CADPS: variants seen among roughly 807,000 people sequenced by gnomAD.
The protein encoded by CADPS is calcium-dependent secretion activator 1.
In CADPS, 57 loss-of-function variants were observed where a neutral mutation model predicts 167.3. The observed-to-expected ratio is 0.34, with a 90% CI of 0.28 to 0.42. The LOEUF (loss-of-function observed/expected upper bound fraction) is 0.42. Ranked by LOEUF, CADPS falls within the 20% of genes least tolerant of loss-of-function variation. The probability of loss-of-function intolerance (pLI) is 1.00; values close to 1 mark genes in which losing one functional copy is unlikely to be tolerated. For missense variants in CADPS, 1,414 were observed against 1,738.1 expected (o/e 0.81, Z 3.32); for synonymous variants, 676 against 635.3 (o/e 1.06, Z -0.96).
At chr3:62,475,318 AAAGAAAAG>A (rs1274946212) in intron 23 of CADPS, among the ~76,000 whole-genome samples, 1 of 152,200 alleles carries the variant, frequency 6.6e-6, no homozygotes, top group African/African-American at 2.4e-5. Context: ...AAATGTCTTT[AAAGAAAAG>A]CACCTGGTTA....
At chr3:62,506,858 C>T (rs893039767) in intron 17 of CADPS, among the ~76,000 whole-genome samples, 1 of 152,172 alleles carries the variant, frequency 6.6e-6, no homozygotes, top group African/African-American at 2.4e-5. Context: ...CTTCTAGAGT[C>T]ATTAGCTAGG....
chr3:62,493,616 C>T (rs1272775665), intron 19 of CADPS, 29 bp downstream of exon 19: 1 of 1,539,868 alleles, frequency 6.5e-7, no homozygotes, highest in African/African-American at 1.4e-5. Flanking sequence ...GTCCACCTCT[C>T]TTCTTTCACG....
intron 3 of CADPS, among the ~76,000 whole-genome samples, chr3:62,717,180 A>G (rs920457471): frequency 1.3e-5 from 2 of 152,240 alleles, no homozygotes; most frequent in Non-Finnish European, 2.9e-5. Flanking sequence ...ACCAACAAAG[A>G]GTTGGATTAC....
intron 3 of CADPS, among the ~76,000 whole-genome samples, chr3:62,673,882 T>C (rs1449671099): frequency 1.3e-5 from 2 of 152,132 alleles, no homozygotes; most frequent in African/African-American, 2.4e-5. Context: ...CATCAAGTCA[T>C]GGTAAAAAGC....
intron 3 of CADPS, among the ~76,000 whole-genome samples, chr3:62,719,185 C>T (rs2075269308): frequency 2.6e-5 from 4 of 152,190 alleles, no homozygotes; most frequent in Admixed American, 2.6e-4. Flanking sequence ...CCCTGCCTGC[C>T]TTTCTGGCAC....
At chr3:62,658,509 T>C (rs893967917) in intron 4 of CADPS, among the ~76,000 whole-genome samples, 14 of 152,154 alleles carry the variant, frequency 9.2e-5, no homozygotes, top group South Asian at 6.2e-4. Context: ...TTCTCTAATG[T>C]CTCTGCTTTA....
rs374490900 is a variant in CADPS at position 62,756,032 on chromosome 3, G to A, written c.556-2259C>T. 1.1e-4 allele frequency among the ~76,000 whole-genome samples: 17 copies of A among 151,422 alleles called. No individual in the cohort carries two copies. In the East Asian group the frequency reaches 3.1e-3, roughly 28 times the overall value. On this transcript the variant is annotated intron_variant, in intron 2 of 29. Transcript: ENST00000383710. ...CTTGAGTAAATCATCTCCCCTCTCT[G>A]ATTCTCTAATTTCTTTTTCTTTTTC...
intron 17 of CADPS, among the ~76,000 whole-genome samples, chr3:62,504,794 GA>G: frequency 6.6e-6 from 1 of 152,156 alleles, no homozygotes; most frequent in South Asian, 2.1e-4. Context: ...TGTGACTGCA[GA>G]AAAACAAAAA....
At chr3:62,507,235 T>C (rs866562962) in intron 17 of CADPS, among the ~76,000 whole-genome samples, 5 of 152,134 alleles carry the variant, frequency 3.3e-5, no homozygotes, top group African/African-American at 1.2e-4. Flanking sequence ...TCAGTTCTTC[T>C]TAGGGGTCCA....
intron 5 of CADPS, among the ~76,000 whole-genome samples, chr3:62,649,093 A>C (rs1171643324): frequency 1.3e-5 from 2 of 152,230 alleles, no homozygotes; most frequent in Non-Finnish European, 2.9e-5. Flanking sequence ...TTTAGTTTTT[A>C]CATATTCTAA....
rs115636601 is a variant in CADPS at position 62,679,080 on chromosome 3, G to T, written c.889-16686C>A. 4.9e-3 allele frequency among the ~76,000 whole-genome samples: 750 copies of T among 152,098 alleles called. 14 individuals are homozygous for T. The highest frequency in any genetic ancestry group is 0.017 in the African/African-American group (706 of 41,470). On this transcript the variant is annotated intron_variant, in intron 3 of 29. Coordinates refer to ENST00000383710, the MANE Select transcript of CADPS (RefSeq NM_003716.4). ...TTCCACCAAGAAAATAACCTTTAGA[G>T]ATTGGAATTCCTGAAAAAAAGTGAG...
At chr3:62,590,045 C>T (rs971107432) in intron 7 of CADPS, among the ~76,000 whole-genome samples, 11 of 151,984 alleles carry the variant, frequency 7.2e-5, no homozygotes, top group Admixed American at 1.3e-4. Flanking sequence ...AAAAATTAGC[C>T]AGATGTGGTG....
intron 1 of CADPS, among the ~76,000 whole-genome samples, chr3:62,773,022 G>A (rs562410221): frequency 1.2e-4 from 19 of 152,098 alleles, no homozygotes; most frequent in African/African-American, 4.3e-4. Flanking sequence ...AAAGGGACAG[G>A]TTTTTAAAGC....
In CADPS at chr3:62,753,138, A is replaced by T. The variant is rs2083069838; in HGVS notation, c.888+303T>A. On this transcript the variant is annotated intron_variant, in intron 3 of 29. Transcript: ENST00000383710. The surrounding 1 kb of genome is among the most constrained non-coding windows in gnomAD (Gnocchi z 4.6). Reference sequence around the variant, plus strand: ...ATTTTTTAAAAAATTGATTTTTAGCACTTTTGACACGTGGAAAACAAGCCT... The same window carrying T: ...ATTTTTTAAAAAATTGATTTTTAGCTCTTTTGACACGTGGAAAACAAGCCT... Among the ~76,000 whole-genome samples, 1 of 152,192 alleles carries T rather than the reference A, an allele frequency of 6.6e-6. No individual in the cohort carries two copies. The highest frequency in any genetic ancestry group is 2.4e-5 in the African/African-American group (1 of 41,438).
chr3:62,776,482 G>A (rs765427357), intron 1 of CADPS, among the ~76,000 whole-genome samples: 1 of 152,008 alleles, frequency 6.6e-6, no homozygotes, highest in African/African-American at 2.4e-5. Context: ...GTGAAACCCC[G>A]TCTCTACTAA....
At chr3:62,477,731 C>T (rs774043631) in intron 23 of CADPS, among the ~76,000 whole-genome samples, 30 of 152,146 alleles carry the variant, frequency 2.0e-4, no homozygotes, top group Non-Finnish European at 4.1e-4. Flanking sequence ...TGAAATCCAG[C>T]TAGATTTTCA....
intron 3 of CADPS, among the ~76,000 whole-genome samples, chr3:62,718,511 T>C (rs1343043217): frequency 6.6e-6 from 1 of 152,208 alleles, no homozygotes; most frequent in Non-Finnish European, 1.5e-5. Context: ...TTCTGTAGCA[T>C]AGCCAGGTGG....
intron 28 of CADPS, among the ~76,000 whole-genome samples, chr3:62,413,372 C>T (rs529495288): frequency 6.6e-6 from 1 of 152,178 alleles, no homozygotes; most frequent in East Asian, 1.9e-4. Context: ...AGAAGCAACC[C>T]AAGTGTCCAT....
chr3:62,655,536 G>A (rs1468637917), intron 4 of CADPS, among the ~76,000 whole-genome samples: 4 of 152,132 alleles, frequency 2.6e-5, no homozygotes, highest in Non-Finnish European at 5.9e-5. Context: ...GAGGGATTTT[G>A]GAACATCTTT....
Sources: allele counts gnomAD v4.1 joint callset (sites outside exome capture counted in the v4.1 genomes callset), GRCh38; gene constraint gnomAD v4.1.1; non-coding constraint Gnocchi (gnomAD v3.1); transcripts MANE v1.5; gene names NCBI Gene and HGNC (gene_info 2026-07-23, HGNC 2026-07-21).